The following KIF4A variants were observed in gnomAD, a reference collection of about 807,000 sequenced individuals.
The protein encoded by KIF4A is chromosome-associated kinesin KIF4A.
Under a neutral mutation model 105.9 loss-of-function variants are expected in KIF4A, and 7 were observed. That is an observed-to-expected ratio of 0.07 (90% CI 0.04 to 0.12). The LOEUF (loss-of-function observed/expected upper bound fraction) is 0.12, where lower values mean the gene tolerates loss of function less well. Ranked by LOEUF, KIF4A falls within the 10% of genes least tolerant of loss-of-function variation. The pLI, the probability that KIF4A is intolerant of heterozygous loss-of-function variation, is 1.00. For missense variants in KIF4A, 558 were observed against 929.2 expected, an observed-to-expected ratio of 0.60 and a Z score of 5.19; for synonymous variants, 281 against 331.3, an observed-to-expected ratio of 0.85 and a Z score of 1.65.
rs1253478856 is a variant in KIF4A, at chrX:70,402,674, C to G, written c.2598C>G (p.Ala866=). 8.3e-7 allele frequency: 1 copy of G among 1,210,103 alleles called. No homozygotes were observed. Among genetic ancestry groups the G allele is most frequent in the Non-Finnish European group, 1.1e-6 (1 of 894,669 alleles). Residue 866 remains alanine (A), a synonymous_variant, in exon 23 of 31, where the codon GCC becomes GCG. Transcript: ENST00000374403. Reference sequence around the variant, plus strand: ...CCACCATTCTGGAAGCCAAGTGTGCCCTGAAATATTTGATTGGAGAGGTAA... The same window carrying G: ...CCACCATTCTGGAAGCCAAGTGTGCGCTGAAATATTTGATTGGAGAGGTAA... The part of the protein sequence containing the change: ...NIATILEAKC[A]LKYLIGELVS...
chrX:70,367,203 C>T (rs1447072936), intron 15 of KIF4A, among the ~76,000 whole-genome samples: 1 of 111,569 alleles, frequency 9.0e-6, no homozygotes, highest in African/African-American at 3.3e-5. Context: ...ACTCTTTATC[C>T]AGTTTGCCAG....
chrX:70,406,641 C>T (rs946435568), intron 27 of KIF4A, among the ~76,000 whole-genome samples: 6 of 111,557 alleles, frequency 5.4e-5, no homozygotes, highest in Non-Finnish European at 3.8e-5. Flanking sequence ...ATACTTATCT[C>T]ATCATATCAT....
chrX:70,374,381 C>G (rs2086166669), intron 16 of KIF4A, 127 bp downstream of exon 16: 2 of 417,501 alleles, frequency 4.8e-6, no homozygotes, highest in Admixed American at 9.3e-5. Context: ...AAGAGGAAAC[C>G]TAAACACAAA....
chrX:70,369,758 T>C (rs1186320140), intron 15 of KIF4A, among the ~76,000 whole-genome samples: 1 of 111,846 alleles, frequency 8.9e-6, no homozygotes, highest in Non-Finnish European at 1.9e-5. Flanking sequence ...TAAAATTCTA[T>C]GTTTAACACA....
At chrX:70,345,603 G>A (rs887599415) in intron 13 of KIF4A, among the ~76,000 whole-genome samples, 1 of 112,072 alleles carries the variant, frequency 8.9e-6, no homozygotes, top group East Asian at 2.8e-4. Context: ...ATGTCCGTGT[G>A]GTTTAGCTCA....
At chrX:70,405,188 G>T (rs2086295719) in intron 25 of KIF4A, among the ~76,000 whole-genome samples, 1 of 111,394 alleles carries the variant, frequency 9.0e-6, no homozygotes, top group Non-Finnish European at 1.9e-5. Context: ...TCTGTGCTGA[G>T]ACCTGACATA....
At position 70,343,857 on chromosome X, in the gene KIF4A, C is replaced by A. The variant is rs761667352; in HGVS notation, c.1326-20C>A. ...TTGTCATATGAATAACCCTTGGGTT[C>A]TTTTTGTTTGAATTTTCAGCTGCAA... On this transcript the variant is annotated intron_variant, in intron 12 of 30. Coordinates refer to ENST00000374403, the MANE Select transcript of KIF4A (RefSeq NM_012310.5). 2.5e-6 allele frequency: 3 copies of A among 1,199,116 alleles called. No homozygotes were observed. In the South Asian group the frequency reaches 5.3e-5, roughly 21 times the overall value.
intron 13 of KIF4A, among the ~76,000 whole-genome samples, chrX:70,349,750 G>A (rs2086017948): frequency 1.5e-5 from 1 of 68,105 alleles, no homozygotes; most frequent in African/African-American, 6.5e-5. Flanking sequence ...CCAGGCAGAG[G>A]CGCTCCTCAG....
chrX:70,299,690 A>T (rs1367265900), intron 5 of KIF4A, among the ~76,000 whole-genome samples: 3 of 111,909 alleles, frequency 2.7e-5, no homozygotes, highest in Non-Finnish European at 5.6e-5. Context: ...GCCAGCTACT[A>T]ATGCATGGAT....
chrX:70,301,778 G>T, intron 5 of KIF4A, 122 bp from the exon 6 acceptor site: 1 of 734,495 alleles, frequency 1.4e-6, no homozygotes. Flanking sequence ...TTATCACCAT[G>T]ACTGTTCTAT....
intron 8 of KIF4A, among the ~76,000 whole-genome samples, chrX:70,329,925 G>T (rs1318818836): frequency 9.0e-6 from 1 of 111,409 alleles, no homozygotes; most frequent in African/African-American, 3.3e-5. Context: ...CTGATTAACT[G>T]CTGAAATCAC....
intron 16 of KIF4A, 74 bp from the exon 17 acceptor site, chrX:70,375,130 G>A (rs939819600): frequency 1.8e-6 from 2 of 1,088,441 alleles, no homozygotes; most frequent in African/African-American, 3.7e-5. Context: ...TGTAACTCTG[G>A]GAGTCTAGTA....
At chrX:70,325,844 A>G (rs2085909106) in intron 7 of KIF4A, among the ~76,000 whole-genome samples, 1 of 110,740 alleles carries the variant, frequency 9.0e-6, no homozygotes, top group South Asian at 3.9e-4. Flanking sequence ...TAACTTAAAT[A>G]TAGATAGCCC....
Position 70,375,213 on chromosome X carries a change from G to T in KIF4A, c.1788G>T (p.Glu596Asp), listed in dbSNP as rs1360706286. The change falls in exon 17 of 31, where the codon GAG becomes GAT. Residue 596 changes from glutamate to aspartate, a missense_variant. This residue lies in a region of KIF4A where 469 missense variants were observed against 680.4 expected (regional missense o/e 0.69). Transcript: ENST00000374403. ...KKDANQAKLS[E>D]RRRKRLQELE... is the part of the protein sequence containing the mutation. ...CAGCATCTGTGTTTAGGTTGAGTGA[G>T]CGCCGCCGCAAACGTCTCCAGGAGC... The T allele has an allele frequency of 8.3e-7, 1 of 1,208,482 alleles. No individual in the cohort carries two copies. The highest frequency in any genetic ancestry group is 1.1e-6 in the Non-Finnish European group (1 of 895,112).
chrX:70,396,811 T>C (rs761898924), intron 22 of KIF4A, among the ~76,000 whole-genome samples: 21 of 112,476 alleles, frequency 1.9e-4, no homozygotes, highest in Non-Finnish European at 3.6e-4. Flanking sequence ...GGCTCATGCC[T>C]GTAATCCCAG....
intron 28 of KIF4A, among the ~76,000 whole-genome samples, chrX:70,415,846 T>C (rs1209184954): frequency 1.3e-4 from 13 of 103,250 alleles, no homozygotes; most frequent in Admixed American, 8.7e-4. Context: ...TGCCCTAAAA[T>C]AGGATGCATT....
chrX:70,349,751 C>A (rs1332356158), intron 13 of KIF4A, among the ~76,000 whole-genome samples: 1 of 69,478 alleles, frequency 1.4e-5, no homozygotes, highest in African/African-American at 6.3e-5. Flanking sequence ...CAGGCAGAGG[C>A]GCTCCTCAGT....
chrX:70,413,929 A>G (rs978647380), intron 28 of KIF4A, among the ~76,000 whole-genome samples: 8 of 111,108 alleles, frequency 7.2e-5, no homozygotes, highest in Non-Finnish European at 1.5e-4. Context: ...ACCTCAGGGC[A>G]GGAATGAGCT....
chrX:70,345,209 A>G (rs781401084), intron 13 of KIF4A, among the ~76,000 whole-genome samples: 1 of 112,406 alleles, frequency 8.9e-6, no homozygotes, highest in African/African-American at 3.2e-5. Flanking sequence ...CTTGCCTGTA[A>G]TCCCAGCACT....
Sources: gnomAD v4.1 joint callset for allele counts (sites outside exome capture counted in the v4.1 genomes callset) on GRCh38, gnomAD v4.1.1 for gene constraint, gnomAD v4.1.1 regional missense constraint, MANE v1.5 for transcripts, NCBI Gene and HGNC (gene_info 2026-07-23, HGNC 2026-07-21) for gene names.